Variants in ZC3H12B observed in about 807,000 individuals in gnomAD.
ZC3H12B encodes probable ribonuclease ZC3H12B.
A neutral mutation model predicts 43.9 loss-of-function variants in ZC3H12B; 7 were observed. That is an observed-to-expected ratio of 0.16 (90% CI 0.09 to 0.30). The LOEUF is 0.30. Among genes scored for constraint, ZC3H12B ranks in the 10% least tolerant of loss-of-function variants. The pLI is 1.00. For synonymous variants in ZC3H12B, 222 were observed against 241.7 expected, an observed-to-expected ratio of 0.92 and a Z score of 0.76; for missense variants, 475 against 670.2, an observed-to-expected ratio of 0.71 and a Z score of 3.22.
the ZC3H12B span, among the ~76,000 whole-genome samples, chrX:65,306,463 C>A: frequency 9.2e-6 from 1 of 108,711 alleles, no homozygotes; most frequent in Non-Finnish European, 1.9e-5. Flanking sequence ...ACCTCTGCCT[C>A]CTGGGTTCTA....
chrX:65,310,862 T>C, the ZC3H12B span, among the ~76,000 whole-genome samples: 1 of 111,936 alleles, frequency 8.9e-6, no homozygotes, highest in Non-Finnish European at 1.9e-5. Flanking sequence ...AACCATCTGA[T>C]CTTTGACAAA....
the ZC3H12B span, among the ~76,000 whole-genome samples, chrX:65,100,080 C>T: frequency 2.5e-4 from 28 of 110,871 alleles, no homozygotes; most frequent in Non-Finnish European, 4.2e-4. Flanking sequence ...ACGAGAACTT[C>T]GTGAAGGATA....
chrX:65,407,180 A>C (rs1363874471), intron 3 of ZC3H12B, among the ~76,000 whole-genome samples: 4 of 113,104 alleles, frequency 3.5e-5, no homozygotes, highest in Non-Finnish European at 7.5e-5. Context: ...AGACCGAGGA[A>C]GAAGGGGCTC....
chrX:65,089,531 C>T, the ZC3H12B span, among the ~76,000 whole-genome samples: 1 of 111,687 alleles, frequency 9.0e-6, no homozygotes, highest in African/African-American at 3.2e-5. Context: ...TTACTGTACA[C>T]TACTGTAAGG....
At chrX:65,202,073 T>TTA in the ZC3H12B span, among the ~76,000 whole-genome samples, 16 of 89,387 alleles carry the variant, frequency 1.8e-4, no homozygotes, top group East Asian at 4.7e-3. Flanking sequence ...AATATATATA[T>TTA]TACATATAAT....
the ZC3H12B span, among the ~76,000 whole-genome samples, chrX:65,173,771 C>A: frequency 9.0e-6 from 1 of 111,623 alleles, no homozygotes; most frequent in Non-Finnish European, 1.9e-5. Context: ...AGGGATGAAG[C>A]CAGCTTGATT....
the ZC3H12B span, among the ~76,000 whole-genome samples, chrX:65,224,706 C>A: frequency 3.6e-5 from 4 of 112,138 alleles, no homozygotes; most frequent in Middle Eastern, 4.6e-3. Context: ...TAAAAAACGG[C>A]ACACCAGGAG....
At chrX:65,294,621 G>A in the ZC3H12B span, among the ~76,000 whole-genome samples, 8 of 111,154 alleles carry the variant, frequency 7.2e-5, no homozygotes, top group African/African-American at 2.6e-4. Context: ...TAACACATAA[G>A]GACTCACATA....
At position 65,408,111 on chromosome X, in the gene ZC3H12B, C is replaced by T; in HGVS notation, n.407+9407C>T. On this transcript the variant is annotated intron_variant and non_coding_transcript_variant, in intron 3 of 5. Transcript: ENST00000617377. ...TTCCCGCAGAGCCGGCACCCGACGC[C>T]GCACCAGGCTGCAGGCCAGCCCTTC... 2.5e-6 allele frequency: 3 copies of T among 1,197,662 alleles called. No homozygotes were observed. The South Asian group carries it at 5.4e-5, about 22-fold the overall frequency.
the ZC3H12B span, among the ~76,000 whole-genome samples, chrX:65,183,511 T>A: frequency 9.0e-6 from 1 of 111,375 alleles, no homozygotes; most frequent in Admixed American, 9.6e-5. Flanking sequence ...GCAATTTACC[T>A]ACATAACAAA....
chrX:65,229,331 A>T, the ZC3H12B span, among the ~76,000 whole-genome samples: 2 of 111,664 alleles, frequency 1.8e-5, no homozygotes, highest in African/African-American at 3.3e-5. Flanking sequence ...GGCTAGTCAC[A>T]TGTAGAAAGC....
intron 2 of ZC3H12B, among the ~76,000 whole-genome samples, chrX:65,379,789 C>T (rs2066409163): frequency 8.9e-6 from 1 of 112,197 alleles, no homozygotes; most frequent in Admixed American, 9.4e-5. Context: ...AAAAACAAGG[C>T]TCAAGAACTA....
At chrX:65,452,830 G>A (rs181377309) in intron 3 of ZC3H12B, among the ~76,000 whole-genome samples, 1 of 92,709 alleles carries the variant, frequency 1.1e-5, no homozygotes, top group Non-Finnish European at 1.9e-5. Context: ...AACAGAGTGA[G>A]ACTCCATCTA....
At chrX:65,183,464 A>G in the ZC3H12B span, among the ~76,000 whole-genome samples, 26 of 111,313 alleles carry the variant, frequency 2.3e-4, no homozygotes, top group South Asian at 9.5e-3. Flanking sequence ...ATTGGGTACT[A>G]TACTCATCAT....
the ZC3H12B span, among the ~76,000 whole-genome samples, chrX:65,243,548 G>A: frequency 1.8e-5 from 2 of 111,767 alleles, no homozygotes; most frequent in Non-Finnish European, 3.8e-5. Context: ...AGCCACTGTG[G>A]AAAAGAGTAT....
At chrX:65,280,729 C>T in the ZC3H12B span, among the ~76,000 whole-genome samples, 1 of 111,484 alleles carries the variant, frequency 9.0e-6, no homozygotes, top group Non-Finnish European at 1.9e-5. Flanking sequence ...AGTGGCATTG[C>T]TGTACACGAA....
At chrX:65,239,203 G>T in the ZC3H12B span, among the ~76,000 whole-genome samples, 1 of 110,863 alleles carries the variant, frequency 9.0e-6, no homozygotes, top group African/African-American at 3.3e-5. Context: ...TTGTGTGTGC[G>T]TCTAAGTCTC....
chrX:65,225,863 T>C, the ZC3H12B span, among the ~76,000 whole-genome samples: 1 of 111,533 alleles, frequency 9.0e-6, no homozygotes. Flanking sequence ...CTCCAAGAAA[T>C]ATGGGACTTT....
chrX:65,375,105 ATC>A (rs2066327344), intron 2 of ZC3H12B, among the ~76,000 whole-genome samples: 1 of 111,650 alleles, frequency 9.0e-6, no homozygotes, highest in African/African-American at 3.3e-5. Flanking sequence ...TGAGAAAATA[ATC>A]TGTGTTCTTG....
Sources: gnomAD v4.1 joint callset for allele counts (sites outside exome capture counted in the v4.1 genomes callset) on GRCh38, gnomAD v4.1.1 for gene constraint, MANE v1.5 for transcripts, NCBI Gene and HGNC (gene_info 2026-07-23, HGNC 2026-07-21) for gene names.